SLC20A2: variants seen among roughly 807,000 people sequenced by gnomAD.
SLC20A2 encodes sodium-dependent phosphate transporter 2.
SLC20A2 carries 30 observed loss-of-function variants against 61.0 expected under a neutral mutation model. That is an observed-to-expected ratio of 0.49 (90% CI 0.37 to 0.67). The LOEUF (loss-of-function observed/expected upper bound fraction) is 0.67. SLC20A2 is among the 30% of genes least tolerant of loss of function. The probability of loss-of-function intolerance (pLI) is 0.00; values close to 1 mark genes in which losing one functional copy is unlikely to be tolerated. For synonymous variants in SLC20A2, 351 were observed against 353.3 expected, an observed-to-expected ratio of 0.99 and a Z score of 0.07; for missense variants, 626 against 866.4, an observed-to-expected ratio of 0.72 and a Z score of 3.48.
intron 5 of SLC20A2, among the ~76,000 whole-genome samples, chr8:42,454,310 G>C (rs1377651644): frequency 2.0e-5 from 3 of 152,036 alleles, no homozygotes; most frequent in African/African-American, 7.2e-5. Context: ...CCGAATTTTG[G>C]TATCTACGGA....
At chr8:42,430,368 T>G in intron 8 of SLC20A2, 119 bp from the exon 9 acceptor site, 2 of 905,074 alleles carry the variant, frequency 2.2e-6, no homozygotes, top group Non-Finnish European at 3.2e-6. Flanking sequence ...GATGTTTTTC[T>G]TTCTTTTTTT....
intron 5 of SLC20A2, among the ~76,000 whole-genome samples, chr8:42,450,330 C>A (rs907228959): frequency 6.6e-6 from 1 of 151,676 alleles, no homozygotes; most frequent in African/African-American, 2.4e-5. Flanking sequence ...CAGGTTCAAG[C>A]GATTCTCCTG....
At chr8:42,442,213 G>A (rs1462230595) in intron 6 of SLC20A2, among the ~76,000 whole-genome samples, 12 of 152,154 alleles carry the variant, frequency 7.9e-5, no homozygotes, top group South Asian at 2.1e-4. Flanking sequence ...GATTACAGGC[G>A]TGAGCCACCA....
chr8:42,427,240 A>G (rs773035108), intron 10 of SLC20A2, among the ~76,000 whole-genome samples: 1 of 152,160 alleles, frequency 6.6e-6, no homozygotes, highest in Non-Finnish European at 1.5e-5. Context: ...TTCCTCATCT[A>G]TGAAGCTGGG....
At chr8:42,429,195 A>C (rs1205162772) in intron 9 of SLC20A2, among the ~76,000 whole-genome samples, 2 of 152,238 alleles carry the variant, frequency 1.3e-5, no homozygotes, top group Non-Finnish European at 2.9e-5. Context: ...CACTAATTAC[A>C]AAAGAGTGTA....
chr8:42,487,979 G>A (rs1366573502), intron 1 of SLC20A2, among the ~76,000 whole-genome samples: 1 of 152,108 alleles, frequency 6.6e-6, no homozygotes, highest in African/African-American at 2.4e-5. Context: ...GGAGCTCAGG[G>A]GAGTGGAATG....
At chr8:42,496,264 C>A (rs960838944) in intron 1 of SLC20A2, among the ~76,000 whole-genome samples, 2 of 152,122 alleles carry the variant, frequency 1.3e-5, no homozygotes, top group African/African-American at 4.8e-5. Context: ...TCATTATGAG[C>A]ACAAAAAGGT....
intron 5 of SLC20A2, among the ~76,000 whole-genome samples, chr8:42,458,940 A>AAC (rs1806442839): frequency 9.6e-6 from 1 of 104,094 alleles, no homozygotes; most frequent in African/African-American, 4.3e-5. Flanking sequence ...ATAATTTTTA[A>AAC]CCCCCCCCCC....
At chr8:42,423,242 A>T (rs1051915681) in intron 10 of SLC20A2, among the ~76,000 whole-genome samples, 17 of 152,022 alleles carry the variant, frequency 1.1e-4, no homozygotes, top group Admixed American at 3.3e-4. Flanking sequence ...AAAAGTCTCC[A>T]TTGGGATACA....
In SLC20A2 at chr8:42,472,160, C is replaced by G. The variant is rs757954030; in HGVS notation, c.231G>C (p.Val77=). 6.2e-7 allele frequency: 1 copy of G among 1,614,068 alleles called. No individual in the cohort carries two copies. The highest frequency in any genetic ancestry group is 8.5e-7 in the Non-Finnish European group (1 of 1,180,032). The change falls in exon 2 of 11, where the codon GTG becomes GTC. Residue 77 remains valine (V), a synonymous_variant. Coordinates refer to ENST00000520262, the MANE Select transcript of SLC20A2 (RefSeq NM_001257180.2). This position sits in a 1 kb window ranked among gnomAD's most constrained non-coding sequence, Gnocchi z 4.1. ...TCTCCACCGTCTCGTTGTACAGGTT[C>G]ACGTCAATGATACCTTTGCGAATGG... ...GETIRKGIID[V]NLYNETVETL...
intron 5 of SLC20A2, among the ~76,000 whole-genome samples, chr8:42,451,398 A>G (rs1369837101): frequency 6.8e-6 from 1 of 147,748 alleles, no homozygotes; most frequent in Non-Finnish European, 1.5e-5. Context: ...GAGGAGGAGG[A>G]AGAGATAGAG....
At chr8:42,475,740 G>A (rs577464950) in intron 1 of SLC20A2, among the ~76,000 whole-genome samples, 1 of 151,638 alleles carries the variant, frequency 6.6e-6, no homozygotes, top group African/African-American at 2.4e-5. Context: ...GCAGTGTGGC[G>A]ACCACATTGG....
At chr8:42,455,723 T>C (rs919081909) in intron 5 of SLC20A2, among the ~76,000 whole-genome samples, 1 of 152,170 alleles carries the variant, frequency 6.6e-6, no homozygotes, top group Non-Finnish European at 1.5e-5. Flanking sequence ...CCAGGTATTA[T>C]ATGTAGTGTT....
intron 1 of SLC20A2, among the ~76,000 whole-genome samples, chr8:42,526,983 T>C (rs1267462126): frequency 1.3e-5 from 2 of 151,570 alleles, no homozygotes; most frequent in Admixed American, 6.6e-5. Flanking sequence ...CGTGCGCCTA[T>C]AGTACCAGCT....
chr8:42,508,541 C>T (rs1563535832), intron 1 of SLC20A2, among the ~76,000 whole-genome samples: 1 of 152,134 alleles, frequency 6.6e-6, no homozygotes. Flanking sequence ...CAGGCACCTG[C>T]CACCACGCCT....
intron 5 of SLC20A2, among the ~76,000 whole-genome samples, chr8:42,448,558 T>C (rs1805407911): frequency 6.6e-6 from 1 of 152,128 alleles, no homozygotes; most frequent in Non-Finnish European, 1.5e-5. Flanking sequence ...TAAGATAATA[T>C]CACCTGCCCT....
chr8:42,430,792 T>C (rs1341760171), intron 8 of SLC20A2, among the ~76,000 whole-genome samples: 9 of 152,204 alleles, frequency 5.9e-5, no homozygotes, highest in Non-Finnish European at 1.2e-4. Context: ...TCTCACAGTA[T>C]TCCCGAATTT....
Position 42,472,406 on chromosome 8 carries a change from C to T in SLC20A2, c.-16G>A. 1.2e-6 allele frequency: 2 copies of T among 1,601,706 alleles called. No homozygotes were observed. Among genetic ancestry groups the T allele is most frequent in the Non-Finnish European group, 1.7e-6 (2 of 1,172,552 alleles). On this transcript the variant is annotated 5_prime_UTR_variant, in exon 2 of 11. Coordinates refer to ENST00000520262, the MANE Select transcript of SLC20A2 (RefSeq NM_001257180.2). This position sits in a 1 kb window ranked among gnomAD's most constrained non-coding sequence, Gnocchi z 4.1. ...CCATGGCCATTTTGGAAAGTGGGTG[C>T]CGGGTACTTTTCTTTTGCAGGAATA... is the stretch of plus-strand genomic sequence containing the variant.
intron 1 of SLC20A2, among the ~76,000 whole-genome samples, chr8:42,480,713 G>A (rs1808491942): frequency 1.3e-5 from 2 of 152,152 alleles, no homozygotes; most frequent in Admixed American, 6.5e-5. Flanking sequence ...AGGCTGGAGT[G>A]CGGTGGCATG....
Sources: allele counts gnomAD v4.1 joint callset (sites outside exome capture counted in the v4.1 genomes callset), GRCh38; gene constraint gnomAD v4.1.1; non-coding constraint Gnocchi (gnomAD v3.1); transcripts MANE v1.5; gene names NCBI Gene and HGNC (gene_info 2026-07-23, HGNC 2026-07-21).